Variants in GRM7 observed in about 807,000 individuals in gnomAD.
GRM7 encodes glutamate metabotropic receptor 7, also known as metabotropic glutamate receptor 7.
Under a neutral mutation model 84.5 loss-of-function variants are expected in GRM7, and 35 were observed. That is an observed-to-expected ratio of 0.41 (90% CI 0.32 to 0.55). The LOEUF is 0.55. Ranked by LOEUF, GRM7 falls within the 20% of genes least tolerant of loss-of-function variation. The pLI, the probability that GRM7 is intolerant of heterozygous loss-of-function variation, is 0.19. For synonymous variants in GRM7, 487 were observed against 455.1 expected, an observed-to-expected ratio of 1.07 and a Z score of -0.89; for missense variants, 1,003 against 1,194.6, an observed-to-expected ratio of 0.84 and a Z score of 2.36.
intron 8 of GRM7, among the ~76,000 whole-genome samples, chr3:7,580,271 T>A (rs976492905): frequency 1.3e-5 from 2 of 152,192 alleles, no homozygotes; most frequent in Non-Finnish European, 2.9e-5. Context: ...TAGGCAGCTC[T>A]GGCAGGTCAG....
intron 1 of GRM7, among the ~76,000 whole-genome samples, chr3:6,951,665 A>G (rs551971871): frequency 6.6e-6 from 1 of 152,150 alleles, no homozygotes; most frequent in African/African-American, 2.4e-5. Flanking sequence ...GGCTTGTTTT[A>G]TGGTCCAGAA....
chr3:7,304,979 A>G (rs755711501), intron 3 of GRM7, among the ~76,000 whole-genome samples: 2 of 152,162 alleles, frequency 1.3e-5, no homozygotes, highest in Non-Finnish European at 2.9e-5. Flanking sequence ...ATGACAACTG[A>G]TGGGGTTCCC....
intron 2 of GRM7, among the ~76,000 whole-genome samples, chr3:7,163,692 G>C (rs1694708134): frequency 6.6e-6 from 1 of 152,144 alleles, no homozygotes; most frequent in Non-Finnish European, 1.5e-5. Context: ...ATAAAGAGAT[G>C]AATTAAATGA....
intron 1 of GRM7, among the ~76,000 whole-genome samples, chr3:7,006,716 A>G (rs1695192960): frequency 6.6e-6 from 1 of 152,220 alleles, no homozygotes; most frequent in South Asian, 2.1e-4. Flanking sequence ...GAATTCATAA[A>G]AATAAAATAT....
chr3:7,384,669 A>T (rs1694715800), intron 4 of GRM7, among the ~76,000 whole-genome samples: 1 of 152,210 alleles, frequency 6.6e-6, no homozygotes. Flanking sequence ...TTCTACATTT[A>T]GAGCACCTTA....
chr3:7,121,492 T>C (rs1051756901), intron 1 of GRM7, among the ~76,000 whole-genome samples: 1 of 152,208 alleles, frequency 6.6e-6, no homozygotes, highest in African/African-American at 2.4e-5. Flanking sequence ...CTATGCTTCA[T>C]TGAAACCTAT....
At chr3:7,356,685 T>C (rs1164374184) in intron 4 of GRM7, among the ~76,000 whole-genome samples, 1 of 152,110 alleles carries the variant, frequency 6.6e-6, no homozygotes, top group Non-Finnish European at 1.5e-5. Context: ...GCCATCCATG[T>C]TATCAGAGTC....
At chr3:7,184,392 TAAATAA>T (rs149923056) in intron 2 of GRM7, among the ~76,000 whole-genome samples, 8,477 of 152,104 alleles carry the variant, frequency 0.056, 721 homozygotes, top group African/African-American at 0.18. Context: ...TTTATATTTC[TAAATAA>T]AAATAAATAT....
At chr3:7,616,508 A>T (rs567792078) in intron 8 of GRM7, among the ~76,000 whole-genome samples, 5 of 152,098 alleles carry the variant, frequency 3.3e-5, no homozygotes, top group African/African-American at 1.2e-4. Flanking sequence ...TAATTTCCTC[A>T]TTGTCTATGC....
chr3:7,386,103 C>T (rs1485426799), intron 4 of GRM7, among the ~76,000 whole-genome samples: 2 of 152,124 alleles, frequency 1.3e-5, no homozygotes, highest in Admixed American at 1.3e-4. Context: ...GATTACCATG[C>T]AAGCCAAAAT....
intron 1 of GRM7, among the ~76,000 whole-genome samples, chr3:7,121,762 T>C (rs1318951433): frequency 1.3e-5 from 2 of 152,110 alleles, no homozygotes; most frequent in Non-Finnish European, 2.9e-5. Context: ...ACAATGCCAA[T>C]ACATAGTGAC....
At chr3:6,946,608 T>C (rs1409510019) in intron 1 of GRM7, among the ~76,000 whole-genome samples, 1 of 152,206 alleles carries the variant, frequency 6.6e-6, no homozygotes, top group African/African-American at 2.4e-5. Context: ...AATTCATTGG[T>C]AGCTTGATGG....
At chr3:7,560,392 T>G (rs766076465) in intron 7 of GRM7, 1 of 152,124 alleles carries the variant, frequency 6.6e-6, no homozygotes, top group Non-Finnish European at 1.5e-5. Context: ...CAAAGGCATG[T>G]GTGATAGTTC....
At chr3:7,720,002 G>A (rs2106518753) in intron 9 of GRM7, among the ~76,000 whole-genome samples, 1 of 152,246 alleles carries the variant, frequency 6.6e-6, no homozygotes, top group Non-Finnish European at 1.5e-5. Flanking sequence ...TGGTGGTGGT[G>A]ATGATGGTCA....
intron 2 of GRM7, among the ~76,000 whole-genome samples, chr3:7,262,199 T>C (rs1228110073): frequency 6.6e-6 from 1 of 152,008 alleles, no homozygotes; most frequent in Non-Finnish European, 1.5e-5. Context: ...ATGAATGATA[T>C]CCTGAAATAT....
At chr3:7,136,932 C>T (rs188014112) in intron 1 of GRM7, among the ~76,000 whole-genome samples, 1 of 152,042 alleles carries the variant, frequency 6.6e-6, no homozygotes. Context: ...AGAAAACTAC[C>T]ATGTTCCAGA....
chr3:7,550,547 TTCTC>T (rs113713129), intron 7 of GRM7, among the ~76,000 whole-genome samples: 2,878 of 103,212 alleles, frequency 0.028, 87 homozygotes, highest in East Asian at 0.079. Flanking sequence ...CTCCCTTTTC[TTCTC>T]TCTCTCTCTC....
At chr3:7,473,673 G>A (rs1181181879) in intron 7 of GRM7, among the ~76,000 whole-genome samples, 2 of 152,158 alleles carry the variant, frequency 1.3e-5, no homozygotes, top group African/African-American at 2.4e-5. Flanking sequence ...TGATGTTATA[G>A]TTTTGTATGG....
chr3:7,095,761 A>G (rs938127066), intron 1 of GRM7, among the ~76,000 whole-genome samples: 1 of 152,060 alleles, frequency 6.6e-6, no homozygotes, highest in Non-Finnish European at 1.5e-5. Context: ...CCATGTAGCC[A>G]TATTTTTTTC....
Sources: gnomAD v4.1 joint callset for allele counts (sites outside exome capture counted in the v4.1 genomes callset) on GRCh38, gnomAD v4.1.1 for gene constraint, MANE v1.5 for transcripts, NCBI Gene and HGNC (gene_info 2026-07-23, HGNC 2026-07-21) for gene names.